The following IGF2R variants were observed in gnomAD, a reference collection of about 807,000 sequenced individuals.
IGF2R encodes the protein insulin like growth factor 2 receptor.
Under a neutral mutation model 270.6 loss-of-function variants are expected in IGF2R, and 91 were observed. The ratio of observed to expected loss-of-function variants is 0.34; its 90% CI spans 0.28 to 0.40. IGF2R has a LOEUF of 0.40. Ranked by LOEUF, IGF2R falls within the 10% of genes least tolerant of loss-of-function variation. IGF2R has a pLI of 1.00. For synonymous variants in IGF2R, 1,316 were observed against 1,258.9 expected, an observed-to-expected ratio of 1.05 and a Z score of -0.96; for missense variants, 2,805 against 3,188.3, an observed-to-expected ratio of 0.88 and a Z score of 2.90.
intron 41 of IGF2R, among the ~76,000 whole-genome samples, chr6:160,085,723 C>T (rs13220323): frequency 0.13 from 20,267 of 152,146 alleles, 1,480 homozygotes; most frequent in Middle Eastern, 0.26. Flanking sequence ...GTGGGGTTTC[C>T]CGAGTTGTCC....
intron 19 of IGF2R, among the ~76,000 whole-genome samples, chr6:160,056,001 A>T (rs1417740488): frequency 6.6e-6 from 1 of 152,166 alleles, no homozygotes; most frequent in Non-Finnish European, 1.5e-5. Context: ...TCTTCCTGCC[A>T]CTGCTGAGCA....
intron 1 of IGF2R, among the ~76,000 whole-genome samples, chr6:159,980,227 G>GAAAGAAAGA (rs1197056969): frequency 7.3e-6 from 1 of 137,736 alleles, no homozygotes; most frequent in Non-Finnish European, 1.6e-5. Flanking sequence ...AAGAAAGAAA[G>GAAAGAAAGA]AAAGAAAGAA....
chr6:160,105,168 C>T lies in IGF2R; in HGVS notation c.*84C>T. 1 of 1,248,064 alleles carries T rather than the reference C, an allele frequency of 8.0e-7. No individual in the cohort carries two copies. Among genetic ancestry groups the T allele is most frequent in the Non-Finnish European group, 1.1e-6 (1 of 915,584 alleles). 77.3% of individuals were successfully genotyped at this position (1,248,064 alleles called of 1,614,324 possible). A position where few individuals can be genotyped will look rare whatever the true frequency, so the allele number is the denominator to read the frequency against. On this transcript the variant is annotated 3_prime_UTR_variant, in exon 48 of 48. Transcript: ENST00000356956. ...ATAAGACTTCCACTCGATGATGCTTCTATAATTTTGCCTTTAACAGAAACT... is the reference window on the plus strand; with the variant it reads ...ATAAGACTTCCACTCGATGATGCTTTTATAATTTTGCCTTTAACAGAAACT...
intron 44 of IGF2R, chr6:160,095,088 C>T (rs1779320587): frequency 6.6e-6 from 1 of 152,064 alleles, no homozygotes; most frequent in Non-Finnish European, 1.5e-5. Flanking sequence ...GGTTGCTTGC[C>T]CACGTCACTC....
At chr6:160,062,168 A>ATTTTTTTTTT (rs34356477) in intron 25 of IGF2R, among the ~76,000 whole-genome samples, 4 of 106,618 alleles carry the variant, frequency 3.8e-5, no homozygotes, top group Non-Finnish European at 5.5e-5. Flanking sequence ...CATTTATTTA[A>ATTTTTTTTTT]TTTTTTTTTT....
Position 160,048,428 on chromosome 6 carries a change from C to A in IGF2R, c.2399C>A (p.Ser800Ter). ...LGGNWYAMDN[S>*]GEHVTWRKYY... ...GGAAACTGGTATGCCATGGACAACT[C>A]AGGGGAACATGTCACGTGGAGGAAA... The change falls in exon 18 of 48, where the codon TCA (serine) becomes TAA (stop). Residue 800 changes from serine to a stop codon, truncating the protein, a stop_gained. Coordinates refer to ENST00000356956, the MANE Select transcript of IGF2R (RefSeq NM_000876.4). LOFTEE classifies it high-confidence loss of function. 1 of 1,614,222 alleles carries A rather than the reference C, an allele frequency of 6.2e-7. No homozygotes were observed. The highest frequency in any genetic ancestry group is 1.7e-5 in the Admixed American group (1 of 60,034).
Position 160,063,524 on chromosome 6 carries a change from G to A in IGF2R, c.3780G>A (p.Arg1260=). Residue 1260 remains arginine, a synonymous_variant, in exon 27 of 48, where the codon CGG becomes CGA. Coordinates refer to ENST00000356956, the MANE Select transcript of IGF2R (RefSeq NM_000876.4). ...CTGGCGAATACACTTATTACTTCCG[G>A]GTCTGTGGGAAGCTTTCCTCAGACG... The part of the protein sequence containing the change: ...VSAGEYTYYF[R]VCGKLSSDVC... The A allele has an allele frequency of 6.2e-7, 1 of 1,614,122 alleles. No individual in the cohort carries two copies. Among genetic ancestry groups the A allele is most frequent in the Non-Finnish European group, 8.5e-7 (1 of 1,179,998 alleles).
Position 160,043,257 on chromosome 6 carries a change from G to T in IGF2R, c.1590G>T (p.Gly530=). ...TGCTGCAGGAAGGCAAGGCACGAGGGTGTCCCGAGGACGCGGCAGTGTGTG... is the reference window on the plus strand; with the variant it reads ...TGCTGCAGGAAGGCAAGGCACGAGGTTGTCCCGAGGACGCGGCAGTGTGTG... The part of the protein sequence containing the change: ...HRVLQEGKAR[G]CPEDAAVCAV... Residue 530 remains glycine (G), a synonymous_variant, in exon 12 of 48, where the codon GGG becomes GGT. Coordinates refer to ENST00000356956, the MANE Select transcript of IGF2R (RefSeq NM_000876.4). 6.2e-7 allele frequency: 1 copy of T among 1,614,018 alleles called. No homozygotes were observed. The highest frequency in any genetic ancestry group is 1.1e-5 in the South Asian group (1 of 91,078).
At chr6:160,044,178 C>T (rs922302794) in intron 12 of IGF2R, among the ~76,000 whole-genome samples, 1 of 152,218 alleles carries the variant, frequency 6.6e-6, no homozygotes, top group Non-Finnish European at 1.5e-5. Context: ...GGGACAATGT[C>T]AGTTTACAGT....
At chr6:160,027,060 A>G in intron 5 of IGF2R, 125 bp from the exon 6 acceptor site, 1 of 1,079,362 alleles carries the variant, frequency 9.3e-7, no homozygotes, top group Non-Finnish European at 1.4e-6. Flanking sequence ...CCAAGGTTTC[A>G]GAATAGTTAC....
chr6:160,103,858 C>A (rs752220044), intron 47 of IGF2R, 43 bp downstream of exon 47: 11 of 1,322,166 alleles, frequency 8.3e-6, no homozygotes, highest in Non-Finnish European at 1.1e-5. Context: ...GCCTCCCCGG[C>A]CCCCTGTGCT....
intron 15 of IGF2R, among the ~76,000 whole-genome samples, 157 bp from the exon 16 acceptor site, chr6:160,047,002 C>G (rs531720430): frequency 6.6e-4 from 101 of 152,330 alleles, no homozygotes; most frequent in Admixed American, 1.2e-3. Flanking sequence ...AGTGTTCCTG[C>G]TGCCGTTGGA....
At chr6:160,036,031 G>T (rs992346474) in intron 10 of IGF2R, among the ~76,000 whole-genome samples, 1 of 152,202 alleles carries the variant, frequency 6.6e-6, no homozygotes, top group African/African-American at 2.4e-5. Context: ...GCAGGTTAGA[G>T]GCGTGTATGG....
chr6:160,044,389 G>T (rs3798182), intron 12 of IGF2R, 125 bp from the exon 13 acceptor site: 423,995 of 889,546 alleles, frequency 0.48, 105,226 homozygotes, highest in African/African-American at 0.73. Context: ...AGGGCTGCAC[G>T]TGCTGGGTTT....
At chr6:160,043,419 T>C (rs1293353878) in intron 12 of IGF2R, 131 bp downstream of exon 12, 1 of 1,080,428 alleles carries the variant, frequency 9.3e-7, no homozygotes, top group African/African-American at 1.6e-5. Flanking sequence ...TGGTAAAAAT[T>C]TTTCATTCAT....
chr6:159,970,166 TTC>T (rs112971104), intron 1 of IGF2R, among the ~76,000 whole-genome samples: 6,963 of 152,180 alleles, frequency 0.046, 219 homozygotes, highest in South Asian at 0.11. Flanking sequence ...TCGAGGGCTG[TTC>T]ACCTCGCGCA....
At chr6:159,978,604 G>A (rs1783730946) in intron 1 of IGF2R, among the ~76,000 whole-genome samples, 1 of 152,148 alleles carries the variant, frequency 6.6e-6, no homozygotes. Flanking sequence ...GTCCAGGCCA[G>A]TGGCTTGGAT....
intron 36 of IGF2R, 86 bp from the exon 37 acceptor site, chr6:160,078,115 C>A: frequency 1.4e-6 from 2 of 1,380,542 alleles, no homozygotes; most frequent in Non-Finnish European, 2.0e-6. Flanking sequence ...GTGGGTTATG[C>A]ACAGCCCCTG....
intron 12 of IGF2R, 110 bp downstream of exon 12, chr6:160,043,398 C>A: frequency 8.0e-7 from 1 of 1,243,434 alleles, no homozygotes; most frequent in Non-Finnish European, 1.1e-6. Flanking sequence ...TTTCTATAAT[C>A]ACATGAAGGA....
Sources: gnomAD v4.1 joint callset for allele counts (sites outside exome capture counted in the v4.1 genomes callset) on GRCh38, gnomAD v4.1.1 for gene constraint, MANE v1.5 for transcripts, NCBI Gene and HGNC (gene_info 2026-07-23, HGNC 2026-07-21) for gene names.